Variants in ZNF362 observed in about 807,000 individuals in gnomAD.
ZNF362 encodes the protein zinc finger protein 362.
In ZNF362, 11 loss-of-function variants were observed where a neutral mutation model predicts 42.9. That is an observed-to-expected ratio of 0.26 (90% CI 0.16 to 0.42). The LOEUF is 0.42. Among genes scored for constraint, ZNF362 ranks in the 20% least tolerant of loss-of-function variants. The probability of loss-of-function intolerance (pLI) is 1.00; values close to 1 mark genes in which losing one functional copy is unlikely to be tolerated. For synonymous variants in ZNF362, 255 were observed against 257.3 expected (o/e 0.99, Z 0.09); for missense variants, 362 against 576.2 (o/e 0.63, Z 3.81).
chr1:33,250,888 A>AGAAGAAGAAGAAGAG, the ZNF362 span, among the ~76,000 whole-genome samples: 1 of 151,910 alleles, frequency 6.6e-6, no homozygotes, highest in Non-Finnish European at 1.5e-5. Flanking sequence ...AAGAAGAAGA[A>AGAAGAAGAAGAAGAG]GAAGAAGGAG....
chr1:33,136,857 C>G, the ZNF362 span, among the ~76,000 whole-genome samples: 2 of 151,610 alleles, frequency 1.3e-5, no homozygotes. Flanking sequence ...ATTAGCTGGG[C>G]GTGGTGGTGC....
chr1:33,285,366 A>G (rs1209808689), intron 6 of ZNF362, among the ~76,000 whole-genome samples: 1 of 152,186 alleles, frequency 6.6e-6, no homozygotes, highest in Non-Finnish European at 1.5e-5. Context: ...GTGAGCCGAG[A>G]TCATGCCACT....
the ZNF362 span, chr1:33,159,890 G>A: frequency 2.9e-5 from 46 of 1,610,962 alleles, 1 homozygote; most frequent in East Asian, 2.2e-4. This position sits in a 1 kb window ranked among gnomAD's most constrained non-coding sequence, Gnocchi z 4.2. Flanking sequence ...CGCAGCAGCC[G>A]GTGCAGCCGC....
the ZNF362 span, among the ~76,000 whole-genome samples, chr1:33,151,288 C>T: frequency 1.3e-5 from 2 of 152,030 alleles, no homozygotes; most frequent in African/African-American, 2.4e-5. Context: ...CTCACTGGGC[C>T]GGCCTAGGGG....
chr1:33,275,346 C>T (rs1217990250), intron 2 of ZNF362: 2 of 985,404 alleles, frequency 2.0e-6, no homozygotes, highest in Non-Finnish European at 2.4e-6. Context: ...GGCCACCAGA[C>T]AGTTTGTCAC....
chr1:33,288,069 T>G (rs1434347934), intron 6 of ZNF362, among the ~76,000 whole-genome samples: 1 of 152,256 alleles, frequency 6.6e-6, no homozygotes, highest in African/African-American at 2.4e-5. Flanking sequence ...TTAACTTAAA[T>G]AGAAATTAAT....
the ZNF362 span, among the ~76,000 whole-genome samples, chr1:33,191,393 C>T: frequency 6.6e-6 from 1 of 152,224 alleles, no homozygotes; most frequent in Non-Finnish European, 1.5e-5. Context: ...CATTTCCCTT[C>T]TTCCTATGTT....
upstream of ZNF362, among the ~76,000 whole-genome samples, chr1:33,255,836 G>T (rs1189528308): frequency 6.6e-6 from 1 of 152,022 alleles, no homozygotes; most frequent in African/African-American, 2.4e-5. Flanking sequence ...CATCCTGGGG[G>T]TCCCCTCCAG....
At chr1:33,279,646 C>CTTT (rs567406398) in intron 4 of ZNF362, among the ~76,000 whole-genome samples, 2,025 of 147,390 alleles carry the variant, frequency 0.014, 36 homozygotes, top group African/African-American at 0.035. Flanking sequence ...AGTTAAGCCT[C>CTTT]TTTTTTTTTT....
intron 6 of ZNF362, among the ~76,000 whole-genome samples, chr1:33,292,324 A>C (rs898155407): frequency 6.6e-6 from 1 of 152,234 alleles, no homozygotes; most frequent in Non-Finnish European, 1.5e-5. Context: ...TATTGAGATA[A>C]TCATGTGGTG....
chr1:33,255,885 C>T (rs1456117371), upstream of ZNF362, among the ~76,000 whole-genome samples: 1 of 152,048 alleles, frequency 6.6e-6, no homozygotes. Flanking sequence ...GGCAGCCTGG[C>T]ACCGCGCGGG....
chr1:33,249,387 C>T, the ZNF362 span, among the ~76,000 whole-genome samples: 3 of 152,192 alleles, frequency 2.0e-5, no homozygotes, highest in Admixed American at 6.5e-5. Flanking sequence ...GAGACTTATA[C>T]GCCATTATCC....
chr1:33,199,398 A>G, the ZNF362 span, among the ~76,000 whole-genome samples: 2 of 152,158 alleles, frequency 1.3e-5, no homozygotes, highest in Non-Finnish European at 2.9e-5. Context: ...GGAAAAATCT[A>G]CCAAGCTAGA....
upstream of ZNF362, among the ~76,000 whole-genome samples, chr1:33,254,871 C>T (rs114295275): frequency 2.8e-3 from 424 of 152,220 alleles, 1 homozygote; most frequent in African/African-American, 9.6e-3. Flanking sequence ...TCTTCTCTCC[C>T]GTTTATTAAT....
chr1:33,208,181 T>G, the ZNF362 span, among the ~76,000 whole-genome samples: 2 of 152,244 alleles, frequency 1.3e-5, no homozygotes, highest in Non-Finnish European at 2.9e-5. Context: ...CACCATTTAT[T>G]AAATAGGGCA....
At chr1:33,176,849 G>T in the ZNF362 span, among the ~76,000 whole-genome samples, 2 of 152,338 alleles carry the variant, frequency 1.3e-5, no homozygotes, top group East Asian at 3.9e-4. Flanking sequence ...CCCACAGGGT[G>T]CTATGAAGAT....
At position 33,298,944 on chromosome 1, in the gene ZNF362, G is replaced by A. The variant is rs1646144702; in HGVS notation, c.1161G>A (p.Met387Ile). ...CCTGCCCACAGGAGACCTACCTGAT[G>A]AAGCACATGTCCAAACACACGGTGG... is the stretch of plus-strand genomic sequence containing the variant. ...GRAYTSETYL[M>I]KHMSKHTVVE... Residue 387 changes from methionine to isoleucine, a missense_variant, in exon 9 of 9, where the codon ATG (methionine) becomes ATA (isoleucine). Physicochemically the swap from Met to Ile is conservative, Grantham distance 10 (BLOSUM62 1). Transcript: ENST00000539719. 1 of 1,613,962 alleles carries A rather than the reference G, an allele frequency of 6.2e-7. No homozygotes were observed. The highest frequency in any genetic ancestry group is 8.5e-7 in the Non-Finnish European group (1 of 1,179,998).
At chr1:33,214,754 A>G in the ZNF362 span, among the ~76,000 whole-genome samples, 2 of 152,240 alleles carry the variant, frequency 1.3e-5, no homozygotes, top group African/African-American at 4.8e-5. Context: ...AATGCTCAAC[A>G]TTATTAATCA....
chr1:33,252,976 T>C (rs979842234), upstream of ZNF362, among the ~76,000 whole-genome samples: 1 of 151,828 alleles, frequency 6.6e-6, no homozygotes, highest in African/African-American at 2.4e-5. Context: ...GTGATGAGTG[T>C]GTTGCCAGCA....
Sources: gnomAD v4.1 joint callset for allele counts (sites outside exome capture counted in the v4.1 genomes callset) on GRCh38, gnomAD v4.1.1 for gene constraint, Gnocchi (gnomAD v3.1) non-coding constraint, MANE v1.5 for transcripts, NCBI Gene and HGNC (gene_info 2026-07-23, HGNC 2026-07-21) for gene names.